KLRG2: variants seen among roughly 807,000 people sequenced by gnomAD.
KLRG2 encodes killer cell lectin-like receptor subfamily G member 2.
In KLRG2, 39 loss-of-function variants were observed where a neutral mutation model predicts 35.4. That is an observed-to-expected ratio of 1.10 (90% CI 0.85 to 1.44). KLRG2 has a LOEUF of 1.44. KLRG2 is among the 40% of genes most tolerant of loss of function. The probability of loss-of-function intolerance (pLI) is 0.00; values close to 1 mark genes in which losing one functional copy is unlikely to be tolerated. For synonymous variants in KLRG2, 283 were observed against 265.8 expected, an observed-to-expected ratio of 1.06 and a Z score of -0.63; for missense variants, 632 against 570.9, an observed-to-expected ratio of 1.11 and a Z score of -1.09.
chr7:139,462,217 C>A (rs1027740755), intron 3 of KLRG2, among the ~76,000 whole-genome samples: 2 of 152,212 alleles, frequency 1.3e-5, no homozygotes, highest in African/African-American at 4.8e-5. Context: ...CGCAGGGATG[C>A]CTGCTTGATT....
the KLRG2 span, among the ~76,000 whole-genome samples, chr7:139,435,228 G>A: frequency 6.6e-6 from 1 of 152,146 alleles, no homozygotes; most frequent in South Asian, 2.1e-4. Context: ...AGTGGCTCAC[G>A]CCTGTAATCC....
intron 3 of KLRG2, 46 bp from the exon 4 acceptor site, chr7:139,454,260 G>T (rs1796422119): frequency 7.3e-6 from 7 of 957,310 alleles, no homozygotes; most frequent in African/African-American, 1.6e-5. Flanking sequence ...CACTGGCGTG[G>T]CTTGCCTGGG....
chr7:139,433,055 G>T, the KLRG2 span, among the ~76,000 whole-genome samples: 14 of 152,106 alleles, frequency 9.2e-5, no homozygotes, highest in African/African-American at 3.1e-4. Flanking sequence ...AACCACTTTA[G>T]GTGCTTTCTG....
chr7:139,443,945 C>T, the KLRG2 span, among the ~76,000 whole-genome samples: 3 of 152,188 alleles, frequency 2.0e-5, no homozygotes, highest in African/African-American at 7.2e-5. Context: ...AATAGGGAAG[C>T]CGACAGTACA....
the KLRG2 span, among the ~76,000 whole-genome samples, chr7:139,444,829 TTAAA>T: frequency 1.3e-5 from 2 of 152,192 alleles, no homozygotes; most frequent in African/African-American, 2.4e-5. Context: ...AGCAGACAGA[TTAAA>T]TAGTGAAATA....
the KLRG2 span, among the ~76,000 whole-genome samples, chr7:139,443,052 T>C: frequency 2.0e-5 from 3 of 151,536 alleles, no homozygotes; most frequent in Non-Finnish European, 4.4e-5. Flanking sequence ...TTAGTTAATA[T>C]TCCTGGAGGC....
chr7:139,472,582 T>C (rs1372035832), intron 3 of KLRG2, among the ~76,000 whole-genome samples: 6 of 137,842 alleles, frequency 4.4e-5, no homozygotes, highest in African/African-American at 1.6e-4. Context: ...CCGTGTCCAT[T>C]AAAAAAAAAA....
At chr7:139,454,254 G>T in intron 3 of KLRG2, 40 bp from the exon 4 acceptor site, 1 of 1,019,148 alleles carries the variant, frequency 9.8e-7, no homozygotes, top group Non-Finnish European at 1.5e-6. Context: ...CCTGGACACT[G>T]GCGTGGCTTG....
chr7:139,483,412 G>A lies in KLRG2; in HGVS notation c.231C>T (p.Ser77=). ...CCAGGCTGAGCGGCGGCACGCGCGGGGACCCGGGGCGAGGCGAAGGCGGCT... is the reference window on the plus strand; with the variant it reads ...CCAGGCTGAGCGGCGGCACGCGCGGAGACCCGGGGCGAGGCGAAGGCGGCT... ...KKKPPSPRPG[S]PRVPPLSLGY... is the part of the protein sequence containing the mutation. The change falls in exon 1 of 5, where the codon TCC becomes TCT. Residue 77 remains serine (S), a synonymous_variant. Coordinates refer to ENST00000340940, the MANE Select transcript of KLRG2 (RefSeq NM_198508.4). The A allele has an allele frequency of 6.5e-7, 1 of 1,546,016 alleles. No individual in the cohort carries two copies. Among genetic ancestry groups the A allele is most frequent in the Non-Finnish European group, 8.6e-7 (1 of 1,158,912 alleles).
At chr7:139,478,044 C>T (rs1158622907) in intron 3 of KLRG2, among the ~76,000 whole-genome samples, 3 of 149,836 alleles carry the variant, frequency 2.0e-5, no homozygotes, top group Non-Finnish European at 4.4e-5. Context: ...AGGCGTGAGC[C>T]ACTGTGCCCG....
At chr7:139,460,149 G>A (rs1257623969) in intron 3 of KLRG2, among the ~76,000 whole-genome samples, 2 of 152,196 alleles carry the variant, frequency 1.3e-5, no homozygotes, top group Non-Finnish European at 2.9e-5. Flanking sequence ...GCCCCCCAAA[G>A]TGTTGGGATT....
At position 139,483,464 on chromosome 7, in the gene KLRG2, GC is replaced by G; in HGVS notation, c.178del (p.Ala60GlnfsTer67). The G allele has an allele frequency of 6.3e-7, 1 of 1,591,088 alleles. No homozygotes were observed. The highest frequency in any genetic ancestry group is 1.7e-4 in the Middle Eastern group (1 of 5,766). The part of the protein sequence containing the change: ...PAGAVEKAAG[A>X]GLEPSSKKKP... ...TTTCTTGCTCGAGGGCTCCAGGCCT[GC>G]GCCCGCCGCCTTCTCCACGGCCCCG... is the stretch of plus-strand genomic sequence containing the variant. On this transcript the variant is annotated frameshift_variant, in exon 1 of 5. Transcript: ENST00000340940. LOFTEE classifies it high-confidence loss of function.
At chr7:139,464,782 C>A (rs1796622187) in intron 3 of KLRG2, among the ~76,000 whole-genome samples, 1 of 152,268 alleles carries the variant, frequency 6.6e-6, no homozygotes, top group Non-Finnish European at 1.5e-5. Context: ...GTGGCAGCTG[C>A]CGCTGCTTTA....
chr7:139,478,948 T>C (rs1437045051), intron 3 of KLRG2, among the ~76,000 whole-genome samples: 1 of 151,440 alleles, frequency 6.6e-6, no homozygotes, highest in Non-Finnish European at 1.5e-5. Flanking sequence ...TGCTTGGCTG[T>C]GCGCAGTGGC....
intron 3 of KLRG2, among the ~76,000 whole-genome samples, chr7:139,473,685 T>C (rs544511613): frequency 3.7e-4 from 57 of 152,234 alleles, no homozygotes; most frequent in Middle Eastern, 6.8e-3. Context: ...TAAGAAAAGA[T>C]GGCATCAGCC....
At chr7:139,453,852 TGG>T (rs1796412227) in intron 4 of KLRG2, 145 bp from the exon 5 acceptor site, 1 of 971,230 alleles carries the variant, frequency 1.0e-6, no homozygotes, top group East Asian at 2.6e-5. Context: ...CACGTGGCAC[TGG>T]ATGAATCCCC....
Position 139,483,559 on chromosome 7 carries a change from C to A in KLRG2, c.84G>T (p.Thr28=), listed in dbSNP as rs1280359043. The A allele has an allele frequency of 1.9e-6, 3 of 1,598,668 alleles. No individual in the cohort carries two copies. Among genetic ancestry groups the A allele is most frequent in the Admixed American group, 3.3e-5 (2 of 59,838 alleles). The change falls in exon 1 of 5, where the codon ACG becomes ACT. Residue 28 remains threonine, a synonymous_variant. Transcript: ENST00000340940. ...TCGCGGGCACCTGCGGCTGCTCCAG[C>A]GTGGGGACCAGGCTTCCCACGGGCT... ...PMEPVGSLVP[T]LEQPQVPAKV...
chr7:139,461,794 G>C (rs1049524553), intron 3 of KLRG2, among the ~76,000 whole-genome samples: 38 of 152,200 alleles, frequency 2.5e-4, no homozygotes, highest in African/African-American at 9.1e-4. Context: ...CCTGCACCCA[G>C]GTTAAATAAA....
chr7:139,483,547 C>G lies in KLRG2; in HGVS notation c.96G>C (p.Pro32=), dbSNP rs1275915095. The stretch of plus-strand genomic sequence containing the variant: ...GTTGTCGCACCTTCGCGGGCACCTG[C>G]GGCTGCTCCAGCGTGGGGACCAGGC... ...VGSLVPTLEQ[P]QVPAKVRQPE... Residue 32 remains proline (P), a synonymous_variant, in exon 1 of 5, where the codon CCG becomes CCC. Coordinates refer to ENST00000340940, the MANE Select transcript of KLRG2 (RefSeq NM_198508.4). 1 of 1,598,844 alleles carries G rather than the reference C, an allele frequency of 6.3e-7. No homozygotes were observed. The highest frequency in any genetic ancestry group is 1.1e-5 in the South Asian group (1 of 90,500).
Sources: allele counts gnomAD v4.1 joint callset (sites outside exome capture counted in the v4.1 genomes callset), GRCh38; gene constraint gnomAD v4.1.1; transcripts MANE v1.5; gene names NCBI Gene and HGNC (gene_info 2026-07-23, HGNC 2026-07-21).